Variants in CLIP4 observed in about 807,000 individuals in gnomAD.
The protein encoded by CLIP4 is CAP-Gly domain containing linker protein family member 4.
In CLIP4, 47 loss-of-function variants were observed where a neutral mutation model predicts 73.1. The observed-to-expected ratio is 0.64, with a 90% CI of 0.51 to 0.82. The LOEUF (loss-of-function observed/expected upper bound fraction) is 0.82. CLIP4 is among the 40% of genes least tolerant of loss of function. The pLI, the probability that CLIP4 is intolerant of heterozygous loss-of-function variation, is 0.00. For missense variants in CLIP4, 874 were observed against 852.9 expected (o/e 1.02, Z -0.31); for synonymous variants, 306 against 295.4 (o/e 1.04, Z -0.37).
intron 1 of CLIP4, among the ~76,000 whole-genome samples, chr2:29,116,013 G>A (rs963181178): frequency 1.3e-5 from 2 of 152,220 alleles, no homozygotes; most frequent in Non-Finnish European, 2.9e-5. Context: ...TGCCCCGAGA[G>A]TCCCCGCACG....
rs1272575495 is a variant in CLIP4, at chr2:29,182,740, T to C, written c.*847T>C. ...TTAGATTTTTTTTGCACAGACTTAC[T>C]TAACTTCCTTATTGGATATGTTTGT... is the stretch of plus-strand genomic sequence containing the variant. On this transcript the variant is annotated 3_prime_UTR_variant, in exon 16 of 16. Coordinates refer to ENST00000320081, the MANE Select transcript of CLIP4 (RefSeq NM_024692.6). 6.5e-6 allele frequency: 1 copy of C among 152,672 alleles called. No homozygotes were observed. The highest frequency in any genetic ancestry group is 1.5e-5 in the Non-Finnish European group (1 of 68,042). The allele number at this position is 152,672 out of a possible 1,614,324, so 9.5% of individuals were successfully genotyped here. A position where few individuals can be genotyped will look rare whatever the true frequency, so the allele number is the denominator to read the frequency against.
In CLIP4 at chr2:29,133,636, T is replaced by C; in HGVS notation, c.368-19T>C. 1 of 1,586,470 alleles carries C rather than the reference T, an allele frequency of 6.3e-7. No individual in the cohort carries two copies. The stretch of plus-strand genomic sequence containing the variant: ...TAAAATTTGTACTAAAGGAAAGTAA[T>C]TTAGAAAATCTTCTTTAGGTGATGT... On this transcript the variant is annotated intron_variant, in intron 4 of 15. Coordinates refer to ENST00000320081, the MANE Select transcript of CLIP4 (RefSeq NM_024692.6).
intron 2 of CLIP4, among the ~76,000 whole-genome samples, chr2:29,125,404 C>T (rs1664532141): frequency 6.6e-6 from 1 of 152,178 alleles, no homozygotes; most frequent in Non-Finnish European, 1.5e-5. Context: ...GCACAGGTCT[C>T]TGGGTTTCTC....
chr2:29,151,426 A>T (rs930024204), intron 8 of CLIP4, among the ~76,000 whole-genome samples: 16 of 151,498 alleles, frequency 1.1e-4, no homozygotes, highest in South Asian at 6.3e-4. Context: ...AGAGAGAGAG[A>T]GTGTGTGTGT....
intron 1 of CLIP4, among the ~76,000 whole-genome samples, chr2:29,109,613 A>G (rs1668330784): frequency 6.6e-6 from 1 of 152,170 alleles, no homozygotes; most frequent in Admixed American, 6.5e-5. Flanking sequence ...TATGCCTCCA[A>G]TCTAGCTGTA....
intron 11 of CLIP4, among the ~76,000 whole-genome samples, chr2:29,159,910 A>G (rs968104939): frequency 1.3e-5 from 2 of 152,236 alleles, no homozygotes; most frequent in Non-Finnish European, 2.9e-5. Flanking sequence ...ATCTACTTTC[A>G]TGCTGCAACA....
At chr2:29,122,034 G>T (rs1664282686) in intron 2 of CLIP4, among the ~76,000 whole-genome samples, 1 of 152,092 alleles carries the variant, frequency 6.6e-6, no homozygotes, top group East Asian at 1.9e-4. Flanking sequence ...AAGGGAACCA[G>T]GAGATAAATT....
intron 1 of CLIP4, among the ~76,000 whole-genome samples, chr2:29,101,363 G>A (rs921744495): frequency 6.6e-6 from 1 of 150,506 alleles, no homozygotes; most frequent in Admixed American, 6.6e-5. Context: ...GTCTGTAGCT[G>A]AAGGCCCAAT....
At chr2:29,106,891 T>C (rs1668223100) in intron 1 of CLIP4, among the ~76,000 whole-genome samples, 1 of 152,230 alleles carries the variant, frequency 6.6e-6, no homozygotes, top group Non-Finnish European at 1.5e-5. Flanking sequence ...TGTGTTGAAC[T>C]CTACGTGAAT....
At chr2:29,180,611 A>T (rs1353226878) in intron 15 of CLIP4, among the ~76,000 whole-genome samples, 3 of 152,214 alleles carry the variant, frequency 2.0e-5, no homozygotes, top group African/African-American at 7.2e-5. Flanking sequence ...TACAGTTTTT[A>T]AAATTTGTTT....
chr2:29,143,782 C>T lies in CLIP4; in HGVS notation c.722C>T (p.Ala241Val), dbSNP rs1162011719. Residue 241 changes from alanine to valine, a missense_variant, in exon 7 of 16, where the codon GCA becomes GTA. Physicochemically the swap from Ala to Val is moderately conservative, Grantham distance 64 (BLOSUM62 0). Transcript: ENST00000320081. ...ATGCCGTTAGAGATGGCTGACGCCG[C>T]AGCCACTGCTAAGGAAATCAAGCAG... ...VDMPLEMADA[A>V]ATAKEIKQML... 6.2e-7 allele frequency: 1 copy of T among 1,614,142 alleles called. No individual in the cohort carries two copies. The highest frequency in any genetic ancestry group is 8.5e-7 in the Non-Finnish European group (1 of 1,179,972).
intron 10 of CLIP4, among the ~76,000 whole-genome samples, 164 bp from the exon 11 acceptor site, chr2:29,157,040 A>G (rs1666971965): frequency 6.6e-6 from 1 of 152,190 alleles, no homozygotes; most frequent in African/African-American, 2.4e-5. Context: ...TTTTATATAT[A>G]AACTACAATT....
chr2:29,137,014 C>T (rs967824917), intron 6 of CLIP4, among the ~76,000 whole-genome samples: 12 of 151,386 alleles, frequency 7.9e-5, no homozygotes, highest in East Asian at 1.9e-4. Flanking sequence ...CTTTGATAGC[C>T]GCCATCTTAT....
At chr2:29,153,808 A>G (rs906206924) in intron 9 of CLIP4, among the ~76,000 whole-genome samples, 2 of 152,204 alleles carry the variant, frequency 1.3e-5, no homozygotes, top group Non-Finnish European at 2.9e-5. Context: ...ACTGCACTCC[A>G]TAATAAGTAG....
At chr2:29,165,875 CTTGCT>C (rs1197503627) in intron 13 of CLIP4, among the ~76,000 whole-genome samples, 2 of 151,790 alleles carry the variant, frequency 1.3e-5, no homozygotes, top group Non-Finnish European at 2.9e-5. Flanking sequence ...TCTTTTCCTT[CTTGCT>C]TTGTTTCTGG....
At chr2:29,131,023 C>A in intron 2 of CLIP4, 1 of 923,680 alleles carries the variant, frequency 1.1e-6, no homozygotes, top group Non-Finnish European at 1.5e-6. Flanking sequence ...GCTTTGCTTT[C>A]CTCATGTGCA....
At chr2:29,168,512 C>CCT (rs1667775637) in intron 14 of CLIP4, among the ~76,000 whole-genome samples, 1 of 66,760 alleles carries the variant, frequency 1.5e-5, no homozygotes, top group East Asian at 3.3e-4. Flanking sequence ...ATGGTTTGCC[C>CCT]TTTTTTTTTT....
chr2:29,181,122 G>A (rs192622039), intron 15 of CLIP4, among the ~76,000 whole-genome samples: 12 of 152,042 alleles, frequency 7.9e-5, no homozygotes, highest in African/African-American at 2.9e-4. Flanking sequence ...ATAAACAGCT[G>A]ATTAATACAT....
chr2:29,179,733 T>C (rs1668542018), intron 15 of CLIP4, among the ~76,000 whole-genome samples: 1 of 152,208 alleles, frequency 6.6e-6, no homozygotes, highest in South Asian at 2.1e-4. Flanking sequence ...TTGGGGAGAA[T>C]TAACCTATAT....
Sources: allele counts gnomAD v4.1 joint callset (sites outside exome capture counted in the v4.1 genomes callset), GRCh38; gene constraint gnomAD v4.1.1; transcripts MANE v1.5; gene names NCBI Gene and HGNC (gene_info 2026-07-23, HGNC 2026-07-21).